Variants in BNC2 observed in about 807,000 individuals in gnomAD.
BNC2 encodes basonuclin zinc finger protein 2, also known as zinc finger protein basonuclin-2.
Under a neutral mutation model 76.3 loss-of-function variants are expected in BNC2, and 20 were observed. That is an observed-to-expected ratio of 0.26 (90% CI 0.18 to 0.38). The LOEUF (loss-of-function observed/expected upper bound fraction) is 0.38. BNC2 is among the 10% of genes least tolerant of loss of function. BNC2 has a pLI of 1.00. For missense variants in BNC2, 1,382 were observed against 1,399.8 expected (o/e 0.99, Z 0.20); for synonymous variants, 582 against 514.8 (o/e 1.13, Z -1.77).
chr9:16,819,763 C>T (rs1013652972), intron 1 of BNC2, among the ~76,000 whole-genome samples: 1 of 152,112 alleles, frequency 6.6e-6, no homozygotes, highest in African/African-American at 2.4e-5. Flanking sequence ...CCATACCAAG[C>T]ACTCTGAAAA....
chr9:16,552,743 C>T lies in BNC2; in HGVS notation c.456G>A (p.Gln152=), dbSNP rs759243905. Residue 152 remains glutamine, a synonymous_variant, in exon 5 of 7, where the codon CAG becomes CAA. Transcript: ENST00000380672. ...CCACTTGGGTGGGGTGGTACAGGTG[C>T]TGCGTGCTGAGCTTATCCAAGGCTG... ...VAHALDKLST[Q]HLYHPTQVEI... 1.2e-6 allele frequency: 2 copies of T among 1,614,012 alleles called. No homozygotes were observed.
chr9:16,756,572 C>T (rs776656315), intron 1 of BNC2, among the ~76,000 whole-genome samples: 1 of 152,210 alleles, frequency 6.6e-6, no homozygotes, highest in Non-Finnish European at 1.5e-5. Context: ...GCCAACCTAA[C>T]CATCTTATCA....
At chr9:16,578,436 G>C (rs10123558) in intron 4 of BNC2, among the ~76,000 whole-genome samples, 1 of 151,318 alleles carries the variant, frequency 6.6e-6, no homozygotes, top group African/African-American at 2.4e-5. Context: ...TTTTTTTCAC[G>C]AAGACAGCAA....
At chr9:16,782,229 C>G (rs1363007811) in intron 1 of BNC2, among the ~76,000 whole-genome samples, 3 of 151,856 alleles carry the variant, frequency 2.0e-5, no homozygotes, top group Non-Finnish European at 2.9e-5. Context: ...AGGTTTCAGT[C>G]AGCCGAGATT....
At chr9:16,512,057 A>T (rs1436712905) in intron 5 of BNC2, among the ~76,000 whole-genome samples, 1 of 152,216 alleles carries the variant, frequency 6.6e-6, no homozygotes, top group African/African-American at 2.4e-5. Flanking sequence ...TAATCTATTG[A>T]TCTATTTTAC....
At chr9:16,434,060 G>A (rs372758417) in intron 6 of BNC2, among the ~76,000 whole-genome samples, 8 of 152,142 alleles carry the variant, frequency 5.3e-5, no homozygotes, top group East Asian at 1.9e-4. Context: ...CTGAAATAAC[G>A]TTGTGACTAT....
intron 3 of BNC2, among the ~76,000 whole-genome samples, chr9:16,605,048 T>A (rs1185375846): frequency 6.6e-6 from 1 of 152,116 alleles, no homozygotes; most frequent in Non-Finnish European, 1.5e-5. Context: ...CAACAATGAC[T>A]TCATGTGATG....
chr9:16,445,250 G>A (rs890660968), intron 5 of BNC2, among the ~76,000 whole-genome samples: 1 of 152,162 alleles, frequency 6.6e-6, no homozygotes, highest in African/African-American at 2.4e-5. Context: ...TTCTTGCTGG[G>A]CACTGACGGA....
intron 5 of BNC2, among the ~76,000 whole-genome samples, chr9:16,475,015 A>C (rs1821900024): frequency 6.6e-6 from 1 of 152,236 alleles, no homozygotes; most frequent in Admixed American, 6.5e-5. Flanking sequence ...ATGAGATTGC[A>C]GCAAAGGAGG....
At chr9:16,613,748 C>T (rs1820619203) in intron 3 of BNC2, among the ~76,000 whole-genome samples, 1 of 152,122 alleles carries the variant, frequency 6.6e-6, no homozygotes, top group African/African-American at 2.4e-5. Context: ...TCCTGGGTAA[C>T]CAGGACAGCA....
intron 1 of BNC2, among the ~76,000 whole-genome samples, chr9:16,863,396 T>C (rs573807069): frequency 7.2e-5 from 11 of 152,226 alleles, no homozygotes; most frequent in Admixed American, 5.9e-4. Flanking sequence ...AAAAGCTTAA[T>C]AGAGGTGGCT....
rs1234978711 is a variant in BNC2, at chr9:16,474,695, CAA to C, written c.670-37173_670-37172del. Among the ~76,000 whole-genome samples the C allele has an allele frequency of 5.9e-5, 9 of 152,068 alleles. 1 individual carries two copies. The South Asian group carries it at 1.9e-3, about 32-fold the overall frequency. On this transcript the variant is annotated intron_variant, in intron 5 of 6. Transcript: ENST00000380672. ...CTTCATATAGTGTAATAGAAAAACG[CAA>C]AGTGTTTTAATTGCACTTGAAGCTT... is the stretch of plus-strand genomic sequence containing the variant.
At chr9:16,474,915 A>G (rs1175037922) in intron 5 of BNC2, among the ~76,000 whole-genome samples, 1 of 152,202 alleles carries the variant, frequency 6.6e-6, no homozygotes, top group African/African-American at 2.4e-5. Flanking sequence ...AAATGGCATT[A>G]AAGCAAAAGA....
At chr9:16,785,807 CAA>C (rs35675411) in intron 1 of BNC2, among the ~76,000 whole-genome samples, 11 of 136,898 alleles carry the variant, frequency 8.0e-5, no homozygotes, top group Admixed American at 1.5e-4. Flanking sequence ...ATGCTGTCTC[CAA>C]AAAAAAAAAA....
intron 1 of BNC2, among the ~76,000 whole-genome samples, chr9:16,847,401 C>CGGGGGGGGGGGG (rs869051853): frequency 1.9e-4 from 2 of 10,350 alleles, no homozygotes; most frequent in Admixed American, 9.9e-4. Context: ...TTTCTCGGGG[C>CGGGGGGGGGGGG]GGGGGGGGGG....
At chr9:16,705,062 A>C (rs1823626110) in intron 3 of BNC2, 1 of 152,232 alleles carries the variant, frequency 6.6e-6, no homozygotes, top group African/African-American at 2.4e-5. Context: ...CCATCACAGC[A>C]AATCAGCTTC....
At chr9:16,727,583 C>T in intron 3 of BNC2, 1 of 566,352 alleles carries the variant, frequency 1.8e-6, no homozygotes, top group Non-Finnish European at 3.1e-6. Flanking sequence ...CTTCGGTATC[C>T]TTTCCCCTTT....
chr9:16,518,027 G>T (rs536003395), intron 5 of BNC2, among the ~76,000 whole-genome samples: 1 of 152,152 alleles, frequency 6.6e-6, no homozygotes, highest in South Asian at 2.1e-4. Context: ...GTTGCATCTT[G>T]AGAGTGAAAT....
intron 5 of BNC2, among the ~76,000 whole-genome samples, chr9:16,515,719 A>G (rs1822861505): frequency 6.7e-6 from 1 of 148,922 alleles, no homozygotes; most frequent in Non-Finnish European, 1.5e-5. Context: ...TACAATTTGA[A>G]AAAAAAAAAA....
Sources: allele counts gnomAD v4.1 joint callset (sites outside exome capture counted in the v4.1 genomes callset), GRCh38; gene constraint gnomAD v4.1.1; transcripts MANE v1.5; gene names NCBI Gene and HGNC (gene_info 2026-07-23, HGNC 2026-07-21).